The following SORCS3 variants were observed in gnomAD, a reference collection of about 807,000 sequenced individuals.
The protein encoded by SORCS3 is sortilin related VPS10 domain containing receptor 3.
SORCS3 carries 57 observed loss-of-function variants against 146.3 expected under a neutral mutation model. The ratio of observed to expected loss-of-function variants is 0.39; its 90% confidence interval spans 0.31 to 0.49. SORCS3 has a LOEUF of 0.49. Ranked by LOEUF, SORCS3 falls within the 20% of genes least tolerant of loss-of-function variation. The pLI, the probability that SORCS3 is intolerant of heterozygous loss-of-function variation, is 0.92. For synonymous variants in SORCS3, 653 were observed against 618.5 expected (o/e 1.06, Z -0.83); for missense variants, 1,341 against 1,575.5 (o/e 0.85, Z 2.52).
At chr10:104,889,390 C>T (rs2018725500) in intron 2 of SORCS3, among the ~76,000 whole-genome samples, 1 of 148,420 alleles carries the variant, frequency 6.7e-6, no homozygotes, top group East Asian at 2.0e-4. Flanking sequence ...AAATCTGTTG[C>T]CTTACTCTTT....
chr10:105,130,440 C>T (rs1009801676), intron 7 of SORCS3, among the ~76,000 whole-genome samples: 2 of 152,044 alleles, frequency 1.3e-5, no homozygotes, highest in African/African-American at 4.8e-5. Flanking sequence ...CTTTCTCTGC[C>T]ATACTAGCAT....
chr10:104,726,710 GCAT>G (rs1288647194), intron 1 of SORCS3, among the ~76,000 whole-genome samples: 1 of 152,040 alleles, frequency 6.6e-6, no homozygotes, highest in Non-Finnish European at 1.5e-5. Flanking sequence ...GACTTCAGAG[GCAT>G]CTGCAATCTG....
intron 2 of SORCS3, among the ~76,000 whole-genome samples, chr10:104,910,401 A>T (rs2133596388): frequency 6.6e-6 from 1 of 152,358 alleles, no homozygotes; most frequent in Middle Eastern, 3.4e-3. Context: ...TGTTTGTTGT[A>T]ACATTGTTTA....
intron 2 of SORCS3, among the ~76,000 whole-genome samples, chr10:104,872,168 A>G (rs566828182): frequency 1.8e-4 from 28 of 152,316 alleles, no homozygotes; most frequent in African/African-American, 6.3e-4. Context: ...GAAACTTACA[A>G]TGTACCATGA....
chr10:105,165,100 C>A (rs1420544462), intron 12 of SORCS3, among the ~76,000 whole-genome samples: 3 of 152,020 alleles, frequency 2.0e-5, no homozygotes, highest in Non-Finnish European at 4.4e-5. Flanking sequence ...TCTCTTATGG[C>A]TACTATATTG....
Position 104,832,750 on chromosome 10 carries a change from T to C in SORCS3, c.628-10042T>C, listed in dbSNP as rs2008557. ...ATAAATAAATAAATAAATAAATAAA[T>C]GAACGAACGAACAGGTGTTTTGCCT... is the stretch of plus-strand genomic sequence containing the variant. On this transcript the variant is annotated intron_variant, in intron 1 of 26. Transcript: ENST00000369701. 1.4e-3 allele frequency among the ~76,000 whole-genome samples: 219 copies of C among 151,858 alleles called. 3 individuals are homozygous for C. Among genetic ancestry groups the C allele is most frequent in the South Asian group, 9.0e-3 (43 of 4,772 alleles).
At chr10:105,087,110 G>A (rs1303326076) in intron 5 of SORCS3, among the ~76,000 whole-genome samples, 4 of 152,168 alleles carry the variant, frequency 2.6e-5, no homozygotes, top group African/African-American at 9.7e-5. Flanking sequence ...TTTGTATAAG[G>A]TGTAAGGAAG....
chr10:104,722,904 T>C (rs2016568843), intron 1 of SORCS3, among the ~76,000 whole-genome samples: 6 of 152,218 alleles, frequency 3.9e-5, no homozygotes, highest in Admixed American at 3.9e-4. Flanking sequence ...GGTCTATCAA[T>C]TTTGTTGATT....
At chr10:105,060,543 C>T (rs755612374) in intron 5 of SORCS3, among the ~76,000 whole-genome samples, 2 of 151,970 alleles carry the variant, frequency 1.3e-5, no homozygotes, top group African/African-American at 2.4e-5. Context: ...GAGCTGGGGA[C>T]GAGGTGGCCA....
intron 1 of SORCS3, among the ~76,000 whole-genome samples, chr10:104,655,965 T>C (rs940070000): frequency 2.6e-5 from 4 of 152,214 alleles, no homozygotes; most frequent in African/African-American, 9.7e-5. Context: ...GATGTTTCTT[T>C]ATAGCAATGT....
At chr10:104,776,406 G>T (rs563432564) in intron 1 of SORCS3, among the ~76,000 whole-genome samples, 7 of 152,202 alleles carry the variant, frequency 4.6e-5, no homozygotes, top group African/African-American at 1.7e-4. Context: ...GGGTAGTCGG[G>T]GCTGGCGGGA....
chr10:104,904,338 T>C (rs2018881477), intron 2 of SORCS3, among the ~76,000 whole-genome samples: 1 of 152,240 alleles, frequency 6.6e-6, no homozygotes, highest in Non-Finnish European at 1.5e-5. Context: ...TTAATAGAAG[T>C]GCAGACTGGC....
chr10:104,875,325 G>GA (rs2018560261), intron 2 of SORCS3, among the ~76,000 whole-genome samples: 1 of 152,202 alleles, frequency 6.6e-6, no homozygotes, highest in African/African-American at 2.4e-5. Context: ...TTTTACAGTA[G>GA]TGGGTTATAT....
intron 1 of SORCS3, chr10:104,822,094 C>A: frequency 1.9e-6 from 1 of 518,314 alleles, no homozygotes; most frequent in Non-Finnish European, 3.9e-6. Context: ...GGAGTCTGAC[C>A]AGCTCCTCTG....
At chr10:104,915,264 C>T (rs141321329) in intron 2 of SORCS3, among the ~76,000 whole-genome samples, 4 of 152,224 alleles carry the variant, frequency 2.6e-5, no homozygotes, top group African/African-American at 9.6e-5. Flanking sequence ...ATCGTTGTCC[C>T]TGTGTAAAGC....
intron 2 of SORCS3, among the ~76,000 whole-genome samples, chr10:104,885,637 G>A (rs115414498): frequency 2.6e-3 from 396 of 152,106 alleles, no homozygotes; most frequent in African/African-American, 8.6e-3. Context: ...AATATTTTTC[G>A]TTTTGCGTCT....
chr10:104,773,429 A>T (rs1247497033), intron 1 of SORCS3, among the ~76,000 whole-genome samples: 5 of 152,256 alleles, frequency 3.3e-5, no homozygotes, highest in African/African-American at 1.2e-4. Context: ...TTTAATGCAC[A>T]TCAGTTGCTA....
At chr10:104,659,557 G>A (rs2015674788) in intron 1 of SORCS3, among the ~76,000 whole-genome samples, 1 of 152,212 alleles carries the variant, frequency 6.6e-6, no homozygotes, top group Admixed American at 6.5e-5. Context: ...CCTTTAGGTG[G>A]AAGAGTAGTG....
At chr10:105,079,020 G>A (rs555798036) in intron 5 of SORCS3, among the ~76,000 whole-genome samples, 1 of 152,278 alleles carries the variant, frequency 6.6e-6, no homozygotes, top group African/African-American at 2.4e-5. Context: ...GCATCTAAAA[G>A]CTATTGATTC....
Sources: gnomAD v4.1 joint callset for allele counts (sites outside exome capture counted in the v4.1 genomes callset) on GRCh38, gnomAD v4.1.1 for gene constraint, MANE v1.5 for transcripts, NCBI Gene and HGNC (gene_info 2026-07-23, HGNC 2026-07-21) for gene names.